CDH13: variants seen among roughly 807,000 people sequenced by gnomAD.
CDH13 encodes cadherin 13, also known as cadherin-13.
CDH13 carries 24 observed loss-of-function variants against 63.8 expected under a neutral mutation model. The ratio of observed to expected loss-of-function variants is 0.38; its 90% CI spans 0.27 to 0.53. CDH13 has a LOEUF of 0.53. Among genes scored for constraint, CDH13 ranks in the 20% least tolerant of loss-of-function variants. CDH13 has a pLI of 0.85. For missense variants in CDH13, 1,049 were observed against 903.1 expected (o/e 1.16, Z -2.07); for synonymous variants, 503 against 355.3 (o/e 1.42, Z -4.67).
chr16:83,010,415 G>C (rs1262274449), intron 2 of CDH13, among the ~76,000 whole-genome samples: 1 of 152,066 alleles, frequency 6.6e-6, no homozygotes, highest in African/African-American at 2.4e-5. Flanking sequence ...TGGAAATGTA[G>C]GGTTTTTTTG....
chr16:83,008,838 A>G (rs1913819475), intron 2 of CDH13, among the ~76,000 whole-genome samples: 2 of 152,202 alleles, frequency 1.3e-5, no homozygotes, highest in African/African-American at 4.8e-5. Context: ...TGAGTAATTT[A>G]TGGAAGAAAG....
intron 8 of CDH13, among the ~76,000 whole-genome samples, chr16:83,656,964 G>C (rs998826825): frequency 3.9e-5 from 6 of 152,208 alleles, no homozygotes; most frequent in African/African-American, 1.4e-4. Context: ...CAGGAAAGGT[G>C]ATTAAAGGAC....
intron 2 of CDH13, among the ~76,000 whole-genome samples, chr16:82,906,251 G>T (rs944897091): frequency 5.9e-5 from 9 of 152,166 alleles, no homozygotes; most frequent in African/African-American, 2.2e-4. Flanking sequence ...AAGGTTGATA[G>T]ATTAATAATC....
chr16:83,592,933 C>T (rs1906901556), intron 7 of CDH13, among the ~76,000 whole-genome samples: 1 of 152,168 alleles, frequency 6.6e-6, no homozygotes, highest in African/African-American at 2.4e-5. Context: ...CGCTCGACCT[C>T]TGCAGTGGGA....
chr16:83,177,559 T>A (rs1025842842), intron 4 of CDH13, among the ~76,000 whole-genome samples: 9 of 152,174 alleles, frequency 5.9e-5, no homozygotes, highest in African/African-American at 2.2e-4. Flanking sequence ...GTTGTGAGGA[T>A]TAAATATAAG....
At chr16:83,784,518 G>C (rs915873076) in intron 13 of CDH13, among the ~76,000 whole-genome samples, 9 of 151,798 alleles carry the variant, frequency 5.9e-5, no homozygotes, top group African/African-American at 2.2e-4. Context: ...TGTAGTCCCA[G>C]CTACTCGGGA....
At chr16:83,529,091 CTTTT>C (rs10562201) in intron 7 of CDH13, among the ~76,000 whole-genome samples, 3 of 140,484 alleles carry the variant, frequency 2.1e-5, no homozygotes, top group Non-Finnish European at 3.1e-5. Flanking sequence ...ATACCTCTGT[CTTTT>C]TTTTTTTTTT....
At position 82,639,489 on chromosome 16, in the gene CDH13, G is replaced by A. The variant is rs115056752; in HGVS notation, c.45+12352G>A. The A allele has an allele frequency of 2.8e-4, 402 of 1,457,730 alleles. 2 individuals carry two copies. In the Middle Eastern group the frequency reaches 8.5e-3, roughly 31 times the overall value. The allele number at this position is 1,457,730 out of a possible 1,614,324, so 90.3% of individuals were successfully genotyped here. ...AGGTAAATTTGCCTGCTGCTGTGTCGTGTGGCTGGATGGAATTCTTCCCTA... is the reference window on the plus strand; with the variant it reads ...AGGTAAATTTGCCTGCTGCTGTGTCATGTGGCTGGATGGAATTCTTCCCTA... On this transcript the variant is annotated intron_variant, in intron 1 of 13. Transcript: ENST00000567109.
intron 5 of CDH13, among the ~76,000 whole-genome samples, chr16:83,323,176 T>G (rs866681143): frequency 7.9e-5 from 6 of 75,604 alleles, no homozygotes; most frequent in African/African-American, 3.4e-4. Context: ...TCTTTCTTTT[T>G]TCTTTCTTTC....
chr16:83,217,018 GA>G (rs923264818), intron 4 of CDH13, among the ~76,000 whole-genome samples: 1 of 151,488 alleles, frequency 6.6e-6, no homozygotes, highest in Admixed American at 6.6e-5. Flanking sequence ...ATATTTTTTT[GA>G]AAAAAATATA....
intron 10 of CDH13, among the ~76,000 whole-genome samples, chr16:83,720,350 T>C (rs1161855560): frequency 6.6e-6 from 1 of 152,072 alleles, no homozygotes; most frequent in Non-Finnish European, 1.5e-5. Flanking sequence ...CACTCACACA[T>C]GCACACACTC....
Position 83,199,755 on chromosome 16 carries a change from T to C in CDH13, c.484-17590T>C, listed in dbSNP as rs529103215. Among the ~76,000 whole-genome samples, 28 of 152,342 alleles carry C rather than the reference T, an allele frequency of 1.8e-4. No homozygotes were observed. In the South Asian group the frequency reaches 5.4e-3, roughly 29 times the overall value. ...GCCACGGTACAATGTGCTTTAGGGA[T>C]GCAGTTCCATTCTGTCCTCCCGAGG... On this transcript the variant is annotated intron_variant, in intron 4 of 13. Transcript: ENST00000567109.
At chr16:83,774,054 C>A (rs1028043494) in intron 11 of CDH13, among the ~76,000 whole-genome samples, 1 of 152,208 alleles carries the variant, frequency 6.6e-6, no homozygotes. Flanking sequence ...GCCCAGCCCC[C>A]TGCTGTTATC....
At chr16:82,844,087 G>T (rs1450419128) in intron 1 of CDH13, among the ~76,000 whole-genome samples, 2 of 152,148 alleles carry the variant, frequency 1.3e-5, no homozygotes, top group Non-Finnish European at 2.9e-5. Context: ...TTTTCAGAAT[G>T]TGTCAAGGTT....
intron 3 of CDH13, among the ~76,000 whole-genome samples, chr16:83,110,640 TC>T: frequency 6.6e-6 from 1 of 152,102 alleles, no homozygotes; most frequent in East Asian, 1.9e-4. Context: ...GTGAATAAGC[TC>T]CTCCCTGGGC....
At chr16:82,802,776 C>T (rs2036930135) in intron 1 of CDH13, among the ~76,000 whole-genome samples, 1 of 152,174 alleles carries the variant, frequency 6.6e-6, no homozygotes, top group South Asian at 2.1e-4. Flanking sequence ...AGGTACATTT[C>T]TGCCTCCCTC....
At chr16:82,730,341 C>T (rs965818366) in intron 1 of CDH13, among the ~76,000 whole-genome samples, 1 of 152,054 alleles carries the variant, frequency 6.6e-6, no homozygotes. Flanking sequence ...ATTTAGAGAC[C>T]ATTGTAGGGT....
intron 2 of CDH13, among the ~76,000 whole-genome samples, chr16:82,907,665 T>C (rs191602352): frequency 7.9e-5 from 12 of 152,298 alleles, no homozygotes; most frequent in African/African-American, 2.9e-4. Context: ...CACATTGATT[T>C]TCTGTTTCCA....
Position 82,755,581 on chromosome 16 carries a change from A to G in CDH13, c.46-102781A>G, listed in dbSNP as rs577994679. Among the ~76,000 whole-genome samples the G allele has an allele frequency of 6.6e-5, 10 of 152,248 alleles. No homozygotes were observed. In the South Asian group the frequency reaches 1.7e-3, roughly 25 times the overall value. On this transcript the variant is annotated intron_variant, in intron 1 of 13. Coordinates refer to ENST00000567109, the MANE Select transcript of CDH13 (RefSeq NM_001257.5). ...AGCTTTCTCTCATTTCCTTATTCCT[A>G]TGTTCTCATTCTGGTCCATCATCTG...
Sources: allele counts gnomAD v4.1 joint callset (sites outside exome capture counted in the v4.1 genomes callset), GRCh38; gene constraint gnomAD v4.1.1; transcripts MANE v1.5; gene names NCBI Gene and HGNC (gene_info 2026-07-23, HGNC 2026-07-21).